The following MPPED2 variants were observed in gnomAD, a reference collection of about 807,000 sequenced individuals.
MPPED2 encodes metallophosphoesterase MPPED2.
MPPED2 carries 5 observed loss-of-function variants against 33.0 expected under a neutral mutation model. The ratio of observed to expected loss-of-function variants is 0.15; its 90% CI spans 0.08 to 0.32. The LOEUF (loss-of-function observed/expected upper bound fraction) is 0.32, where lower values mean the gene tolerates loss of function less well. MPPED2 is among the 10% of genes least tolerant of loss of function. MPPED2 has a pLI of 1.00. For missense variants in MPPED2, 275 were observed against 372.1 expected (o/e 0.74, Z 2.15); for synonymous variants, 136 against 141.9 (o/e 0.96, Z 0.29).
chr11:30,423,764 C>T (rs1948716741), intron 4 of MPPED2, among the ~76,000 whole-genome samples: 1 of 152,166 alleles, frequency 6.6e-6, no homozygotes, highest in Admixed American at 6.5e-5. Context: ...TTTTAATTTA[C>T]ATATGATATA....
chr11:30,528,600 A>G (rs1590728186), intron 3 of MPPED2, among the ~76,000 whole-genome samples: 1 of 152,246 alleles, frequency 6.6e-6, no homozygotes, highest in Admixed American at 6.5e-5. Context: ...AGCTTTCATA[A>G]TTAGAAAATC....
At chr11:30,574,439 T>A (rs1277682498) in intron 2 of MPPED2, among the ~76,000 whole-genome samples, 1 of 152,212 alleles carries the variant, frequency 6.6e-6, no homozygotes, top group Non-Finnish European at 1.5e-5. Context: ...TACTCTATGA[T>A]GTTTGCACAA....
At chr11:30,484,863 C>T (rs112957992) in intron 4 of MPPED2, among the ~76,000 whole-genome samples, 22 of 152,270 alleles carry the variant, frequency 1.4e-4, no homozygotes, top group African/African-American at 5.3e-4. Context: ...CCCCTTCCCC[C>T]ACCAATACAC....
At chr11:30,469,655 G>A (rs1950866076) in intron 4 of MPPED2, among the ~76,000 whole-genome samples, 1 of 152,148 alleles carries the variant, frequency 6.6e-6, no homozygotes, top group South Asian at 2.1e-4. Context: ...AAATAGAGAG[G>A]TGTGTAAAGC....
intron 6 of MPPED2, among the ~76,000 whole-genome samples, chr11:30,389,239 T>C (rs1457731553): frequency 6.6e-6 from 1 of 152,182 alleles, no homozygotes; most frequent in East Asian, 1.9e-4. Context: ...TTTTGACAGC[T>C]TAGACTGAAT....
At chr11:30,569,175 AG>A (rs1956583423) in intron 2 of MPPED2, among the ~76,000 whole-genome samples, 2 of 151,962 alleles carry the variant, frequency 1.3e-5, no homozygotes, top group African/African-American at 2.4e-5. Flanking sequence ...GATGCAAAAC[AG>A]GGGAGCCATC....
At chr11:30,404,621 C>T (rs1336178058) in intron 6 of MPPED2, among the ~76,000 whole-genome samples, 1 of 152,202 alleles carries the variant, frequency 6.6e-6, no homozygotes, top group African/African-American at 2.4e-5. Context: ...ACTCATGTAA[C>T]TGGAGAAACC....
At chr11:30,523,658 G>C (rs534582155) in intron 3 of MPPED2, among the ~76,000 whole-genome samples, 56 of 121,890 alleles carry the variant, frequency 4.6e-4, no homozygotes, top group Non-Finnish European at 7.4e-4. Context: ...ACGGAGTTTC[G>C]CTCTTGTTGC....
intron 2 of MPPED2, among the ~76,000 whole-genome samples, chr11:30,570,829 A>T (rs938190064): frequency 6.6e-6 from 1 of 152,218 alleles, no homozygotes; most frequent in East Asian, 1.9e-4. Flanking sequence ...CTAAAGCCAA[A>T]TACCACAAGT....
chr11:30,461,635 C>T (rs1173448592), intron 4 of MPPED2, among the ~76,000 whole-genome samples: 1 of 151,938 alleles, frequency 6.6e-6, no homozygotes, highest in African/African-American at 2.4e-5. Context: ...ACTTGCCTGA[C>T]CTTACAGTCC....
chr11:30,585,217 A>ATTACTTTTCCT (rs1957403803), intron 1 of MPPED2, among the ~76,000 whole-genome samples: 1 of 152,136 alleles, frequency 6.6e-6, no homozygotes, highest in Non-Finnish European at 1.5e-5. Flanking sequence ...TCCGGCGGCA[A>ATTACTTTTCCT]CGGTTACTTT....
intron 3 of MPPED2, among the ~76,000 whole-genome samples, chr11:30,512,571 C>A (rs149952333): frequency 1.3e-5 from 2 of 152,124 alleles, no homozygotes; most frequent in Non-Finnish European, 2.9e-5. Context: ...ATTTCTAGCC[C>A]CTCAGGGCCC....
intron 2 of MPPED2, among the ~76,000 whole-genome samples, chr11:30,575,744 C>T (rs1375769430): frequency 6.6e-6 from 1 of 152,186 alleles, no homozygotes; most frequent in Non-Finnish European, 1.5e-5. Flanking sequence ...AGCAACCAGT[C>T]AGCACTCAGC....
intron 4 of MPPED2, among the ~76,000 whole-genome samples, chr11:30,448,879 C>A (rs954504243): frequency 6.6e-6 from 1 of 152,048 alleles, no homozygotes; most frequent in South Asian, 2.1e-4. Flanking sequence ...ATCTCGAACT[C>A]CCGACCTCAG....
In MPPED2 at chr11:30,410,841, T is replaced by C; in HGVS notation, c.*627A>G. The C allele has an allele frequency of 1.0e-6, 1 of 985,772 alleles. No homozygotes were observed. Among genetic ancestry groups the C allele is most frequent in the Non-Finnish European group, 1.2e-6 (1 of 829,882 alleles). 61.1% of individuals were successfully genotyped at this position (985,772 alleles called of 1,614,324 possible). A position where few individuals can be genotyped will look rare whatever the true frequency, so the allele number is the denominator to read the frequency against. On this transcript the variant is annotated 3_prime_UTR_variant, in exon 7 of 7. Transcript: ENST00000358117. ...TAATTTAAAAGAAACAAACAAACAA[T>C]GAGACCTTGTATAACCACAATAGGA...
intron 4 of MPPED2, among the ~76,000 whole-genome samples, chr11:30,470,326 A>G (rs1950893952): frequency 1.3e-5 from 2 of 152,154 alleles, no homozygotes; most frequent in Admixed American, 1.3e-4. Context: ...AAGAATATAT[A>G]AATTATAGTT....
chr11:30,414,177 G>A (rs775136977), intron 6 of MPPED2, 51 bp downstream of exon 6: 3 of 1,265,232 alleles, frequency 2.4e-6, no homozygotes, highest in South Asian at 2.4e-5. Context: ...TGTAGACTGA[G>A]ATAGTGGACA....
intron 4 of MPPED2, among the ~76,000 whole-genome samples, chr11:30,485,524 C>T (rs1951704757): frequency 1.2e-5 from 1 of 85,516 alleles, no homozygotes; most frequent in Non-Finnish European, 3.3e-5. Flanking sequence ...TTGGGAACAG[C>T]CTGTTTCTAA....
chr11:30,536,521 C>T (rs2134489876), intron 2 of MPPED2, among the ~76,000 whole-genome samples: 1 of 152,276 alleles, frequency 6.6e-6, no homozygotes. Context: ...TATGCTATTT[C>T]TCTCTCATCA....
Sources: allele counts gnomAD v4.1 joint callset (sites outside exome capture counted in the v4.1 genomes callset), GRCh38; gene constraint gnomAD v4.1.1; transcripts MANE v1.5; gene names NCBI Gene and HGNC (gene_info 2026-07-23, HGNC 2026-07-21).